The following STX1A variants were observed in gnomAD, a reference collection of about 807,000 sequenced individuals.
STX1A encodes the protein syntaxin-1A.
Under a neutral mutation model 37.8 loss-of-function variants are expected in STX1A, and 4 were observed. The ratio of observed to expected loss-of-function variants is 0.11; its 90% CI spans 0.05 to 0.24. STX1A has a LOEUF of 0.24. Ranked by LOEUF, STX1A falls within the 10% of genes least tolerant of loss-of-function variation. The probability of loss-of-function intolerance (pLI) is 1.00; values close to 1 mark genes in which losing one functional copy is unlikely to be tolerated. For synonymous variants in STX1A, 135 were observed against 147.4 expected, an observed-to-expected ratio of 0.92 and a Z score of 0.61; for missense variants, 251 against 399.9, an observed-to-expected ratio of 0.63 and a Z score of 3.18.
In STX1A at chr7:73,700,334, C is replaced by T; in HGVS notation, c.*73G>A. 1.3e-6 allele frequency: 2 copies of T among 1,522,258 alleles called. No individual in the cohort carries two copies. Among genetic ancestry groups the T allele is most frequent in the Non-Finnish European group, 1.8e-6 (2 of 1,100,292 alleles). 94.3% of individuals were successfully genotyped at this position (1,522,258 alleles called of 1,614,324 possible). A position where few individuals can be genotyped will look rare whatever the true frequency, so the allele number is the denominator to read the frequency against. On this transcript the variant is annotated 3_prime_UTR_variant, in exon 10 of 10. Coordinates refer to ENST00000222812, the MANE Select transcript of STX1A (RefSeq NM_004603.4). The surrounding 1 kb of genome is among the most constrained non-coding windows in gnomAD (Gnocchi z 4.4). The stretch of plus-strand genomic sequence containing the variant: ...CCAGAGGCGGGGGTTGGGAGGGCAG[C>T]CCAGCCAGGTGGCAGCAGCCAGGGC...
intron 1 of STX1A, among the ~76,000 whole-genome samples, chr7:73,718,140 G>A (rs982120785): frequency 6.6e-6 from 1 of 152,216 alleles, no homozygotes; most frequent in East Asian, 1.9e-4. Flanking sequence ...CGGAGCTCAG[G>A]AAACTTGAGG....
Position 73,708,583 on chromosome 7 carries a change from A to G in STX1A, c.208+6T>C, listed in dbSNP as rs1563574616. 1.2e-6 allele frequency: 2 copies of G among 1,612,888 alleles called. No homozygotes were observed. The highest frequency in any genetic ancestry group is 1.1e-5 in the South Asian group (1 of 90,852). On this transcript the variant is annotated splice_donor_region_variant and intron_variant, in intron 3 of 9. Coordinates refer to ENST00000222812, the MANE Select transcript of STX1A (RefSeq NM_004603.4). ...CTGAAACCCGTCCCCCGCCCCACAC[A>G]CTCACTCTCATCGGGGTTGGGGGAT...
rs547690713 is a variant in STX1A, at chr7:73,719,611, C to A, written c.21G>T (p.Glu7Asp). 27 of 1,205,734 alleles carry A rather than the reference C, an allele frequency of 2.2e-5. No individual in the cohort carries two copies. Among genetic ancestry groups the A allele is most frequent in the Non-Finnish European group, 2.5e-5 (24 of 965,876 alleles). 74.7% of individuals were successfully genotyped at this position (1,205,734 alleles called of 1,614,324 possible). MKDRTQELRTAKDSDDD... is the reference protein window; with the variant it reads MKDRTQDLRTAKDSDDD... Reference sequence around the variant, plus strand: ...CTGGGGCCGGACTCACCGTGCGGAGCTCCTGGGTTCGGTCCTTCATGCTCC... The same window carrying A: ...CTGGGGCCGGACTCACCGTGCGGAGATCCTGGGTTCGGTCCTTCATGCTCC... Residue 7 changes from glutamate (E) to aspartate (D), a missense_variant, in exon 1 of 10, where the codon GAG becomes GAT. By Grantham distance (45) the Glu-to-Asp change is conservative (BLOSUM62 2). This residue lies in a region of STX1A where 37 missense variants were observed against 32.3 expected (regional missense o/e 1.15). Transcript: ENST00000222812.
In STX1A at chr7:73,702,609, A is replaced by T; in HGVS notation, c.678+236T>A. On this transcript the variant is annotated intron_variant, in intron 8 of 9. Coordinates refer to ENST00000222812, the MANE Select transcript of STX1A (RefSeq NM_004603.4). The surrounding 1 kb of genome is among the most constrained non-coding windows in gnomAD (Gnocchi z 4.7). ...GTAGGGGAATGAGAGACGGCGGGGT[A>T]TAGAGGGTGGGGCCATGCAGGGCCT... The T allele has an allele frequency of 7.9e-7, 1 of 1,262,106 alleles. No individual in the cohort carries two copies. Among genetic ancestry groups the T allele is most frequent in the South Asian group, 1.6e-5 (1 of 62,662 alleles). 78.2% of individuals were successfully genotyped at this position (1,262,106 alleles called of 1,614,324 possible). A position where few individuals can be genotyped will look rare whatever the true frequency, so the allele number is the denominator to read the frequency against.
At chr7:73,712,682 C>T (rs1253530436) in intron 1 of STX1A, among the ~76,000 whole-genome samples, 1 of 152,132 alleles carries the variant, frequency 6.6e-6, no homozygotes, top group South Asian at 2.1e-4. Flanking sequence ...TGTTAGAGTC[C>T]TTCTCTTCCC....
intron 1 of STX1A, 83 bp downstream of exon 1, chr7:73,719,519 G>C (rs1249089555): frequency 8.6e-7 from 1 of 1,166,954 alleles, no homozygotes; most frequent in Admixed American, 4.5e-5. Context: ...CACCATCCTG[G>C]CCGCGGGAGC....
chr7:73,699,454 G>T lies in STX1A; in HGVS notation c.*953C>A, dbSNP rs1171021305. The T allele has an allele frequency of 6.6e-6, 1 of 152,592 alleles. No homozygotes were observed. The highest frequency in any genetic ancestry group is 1.9e-4 in the East Asian group (1 of 5,172). 9.5% of individuals were successfully genotyped at this position (152,592 alleles called of 1,614,324 possible). On this transcript the variant is annotated 3_prime_UTR_variant, in exon 10 of 10. Coordinates refer to ENST00000222812, the MANE Select transcript of STX1A (RefSeq NM_004603.4). ...ACAAGGGAGAGGGTCCTGGGGCGGG[G>T]GCACATTTCCCATGAGAAGCCCCAA...
At chr7:73,714,123 T>TG (rs1455582307) in intron 1 of STX1A, among the ~76,000 whole-genome samples, 1 of 152,098 alleles carries the variant, frequency 6.6e-6, no homozygotes, top group Non-Finnish European at 1.5e-5. Context: ...TTTTTTTTTT[T>TG]TTTGAGGCAG....
intron 1 of STX1A, chr7:73,711,319 T>A (rs1300906294): frequency 6.5e-6 from 1 of 152,894 alleles, no homozygotes; most frequent in Non-Finnish European, 1.5e-5. Context: ...CTGAGCATGT[T>A]CTGTGAGGGG....
intron 1 of STX1A, among the ~76,000 whole-genome samples, chr7:73,714,014 T>C (rs1799196049): frequency 6.6e-6 from 1 of 152,186 alleles, no homozygotes; most frequent in South Asian, 2.1e-4. Flanking sequence ...CCCCATCCTC[T>C]GAACTGCCTA....
chr7:73,707,942 AAAAAAAG>A (rs1312614335), intron 3 of STX1A, among the ~76,000 whole-genome samples: 2 of 148,790 alleles, frequency 1.3e-5, no homozygotes, highest in Non-Finnish European at 3.0e-5. Flanking sequence ...CTTGAAAAAA[AAAAAAAG>A]AAAAAAGAAA....
At position 73,709,029 on chromosome 7, in the gene STX1A, G is replaced by T; in HGVS notation, c.108+16C>A. The T allele has an allele frequency of 2.5e-6, 4 of 1,613,882 alleles. No homozygotes were observed. The highest frequency in any genetic ancestry group is 1.1e-5 in the South Asian group (1 of 91,086). ...TCTGCCAGTGTGCGGGAAGGGTGGG[G>T]TGTGCTGGCTCCCACCTGCTCAAAG... On this transcript the variant is annotated intron_variant, in intron 2 of 9. Coordinates refer to ENST00000222812, the MANE Select transcript of STX1A (RefSeq NM_004603.4). This position sits in a 1 kb window ranked among gnomAD's most constrained non-coding sequence, Gnocchi z 4.2.
At chr7:73,716,940 C>T (rs1251253510) in intron 1 of STX1A, among the ~76,000 whole-genome samples, 1 of 152,132 alleles carries the variant, frequency 6.6e-6, no homozygotes, top group Non-Finnish European at 1.5e-5. Context: ...TTACCTGTAA[C>T]CTGCAAGTGG....
chr7:73,701,931 A>C (rs1554615966), intron 8 of STX1A, among the ~76,000 whole-genome samples: 1 of 152,144 alleles, frequency 6.6e-6, no homozygotes, highest in Non-Finnish European at 1.5e-5. Flanking sequence ...TCTTTTGCTA[A>C]AACAAAACAA....
At chr7:73,701,125 C>CA (rs1274992486) in intron 8 of STX1A, 16 of 606,106 alleles carry the variant, frequency 2.6e-5, no homozygotes, top group South Asian at 1.4e-4. Context: ...AGAACACTGT[C>CA]AGAGATGTGG....
chr7:73,713,352 T>C (rs1799171810), intron 1 of STX1A, among the ~76,000 whole-genome samples: 1 of 152,142 alleles, frequency 6.6e-6, no homozygotes, highest in East Asian at 1.9e-4. Flanking sequence ...CCAGACACAC[T>C]CTTGACCAAA....
chr7:73,716,410 G>A (rs1554618706), intron 1 of STX1A, among the ~76,000 whole-genome samples: 3 of 152,246 alleles, frequency 2.0e-5, no homozygotes, highest in Admixed American at 6.5e-5. Context: ...AGGGCCCTGG[G>A]CCTTCCCATC....
In STX1A at chr7:73,700,906, C is replaced by T. The variant is rs782433514; in HGVS notation, c.679-66G>A. On this transcript the variant is annotated intron_variant, in intron 8 of 9. Coordinates refer to ENST00000222812, the MANE Select transcript of STX1A (RefSeq NM_004603.4). The surrounding 1 kb of genome is among the most constrained non-coding windows in gnomAD (Gnocchi z 4.4). ...CTCAGGGTTGGGTTGGGGCTCGGGGCAGGACTTCAGGAAAGCACCCTGAGG... is the reference window on the plus strand; with the variant it reads ...CTCAGGGTTGGGTTGGGGCTCGGGGTAGGACTTCAGGAAAGCACCCTGAGG... 3.1e-6 allele frequency: 5 copies of T among 1,597,418 alleles called. No homozygotes were observed. Among genetic ancestry groups the T allele is most frequent in the East Asian group, 2.2e-5 (1 of 44,702 alleles).
At chr7:73,715,568 G>A (rs1423990160) in intron 1 of STX1A, among the ~76,000 whole-genome samples, 9 of 152,126 alleles carry the variant, frequency 5.9e-5, no homozygotes, top group Non-Finnish European at 1.0e-4. Flanking sequence ...GCTTCCCCTG[G>A]CAGAGGTGGG....
Sources: gnomAD v4.1 joint callset for allele counts (sites outside exome capture counted in the v4.1 genomes callset) on GRCh38, gnomAD v4.1.1 for gene constraint, gnomAD v4.1.1 regional missense constraint, Gnocchi (gnomAD v3.1) non-coding constraint, MANE v1.5 for transcripts, NCBI Gene and HGNC (gene_info 2026-07-23, HGNC 2026-07-21) for gene names.